The following DLG5 variants were observed in gnomAD, a reference collection of about 807,000 sequenced individuals.
DLG5 encodes the protein discs large MAGUK scaffold protein 5.
Under a neutral mutation model 189.8 loss-of-function variants are expected in DLG5, and 48 were observed. The observed-to-expected ratio is 0.25, with a 90% CI of 0.20 to 0.32. DLG5 has a LOEUF of 0.32. DLG5 is among the 10% of genes least tolerant of loss of function. The probability of loss-of-function intolerance (pLI) is 1.00; values close to 1 mark genes in which losing one functional copy is unlikely to be tolerated. For synonymous variants in DLG5, 1,016 were observed against 1,054.1 expected (o/e 0.96, Z 0.70); for missense variants, 2,160 against 2,544.7 (o/e 0.85, Z 3.25).
At chr10:77,864,019 G>A (rs991871016) in intron 2 of DLG5, among the ~76,000 whole-genome samples, 4 of 152,160 alleles carry the variant, frequency 2.6e-5, no homozygotes, top group South Asian at 2.1e-4. Context: ...ACCTTGGGGC[G>A]GCCAGCCTCC....
At chr10:77,861,990 C>A (rs1844490439) in intron 2 of DLG5, among the ~76,000 whole-genome samples, 1 of 152,196 alleles carries the variant, frequency 6.6e-6, no homozygotes. Context: ...CAAGGAGGGC[C>A]ACAGGGGACC....
At chr10:77,875,984 G>A (rs1845075439) in intron 1 of DLG5, among the ~76,000 whole-genome samples, 1 of 152,034 alleles carries the variant, frequency 6.6e-6, no homozygotes, top group Non-Finnish European at 1.5e-5. Context: ...CCATGGCCCT[G>A]GAATGGAGCA....
chr10:77,792,435 T>G lies in DLG5; in HGVS notation c.*5A>C. 6.2e-7 allele frequency: 1 copy of G among 1,614,082 alleles called. No homozygotes were observed. The highest frequency in any genetic ancestry group is 8.5e-7 in the Non-Finnish European group (1 of 1,179,926). On this transcript the variant is annotated 3_prime_UTR_variant, in exon 32 of 32. Transcript: ENST00000372391. ...AGCTGCAGTCATCCACAGCACAGCATTCTCCTAGAGCGGGCAGGCTGGAAT... is the reference window on the plus strand; with the variant it reads ...AGCTGCAGTCATCCACAGCACAGCAGTCTCCTAGAGCGGGCAGGCTGGAAT...
chr10:77,835,394 G>A (rs1054392138), intron 8 of DLG5, among the ~76,000 whole-genome samples: 9 of 152,250 alleles, frequency 5.9e-5, no homozygotes, highest in African/African-American at 1.7e-4. Flanking sequence ...CACAGTAGGC[G>A]CCCGGTGAAT....
At chr10:77,886,461 G>C (rs1036681068) in intron 1 of DLG5, among the ~76,000 whole-genome samples, 1 of 150,796 alleles carries the variant, frequency 6.6e-6, no homozygotes, top group African/African-American at 2.4e-5. Flanking sequence ...CCACCTCCCA[G>C]GTTCGCCTCA....
chr10:77,840,219 A>T (rs1227630989), intron 7 of DLG5, among the ~76,000 whole-genome samples: 2 of 151,456 alleles, frequency 1.3e-5, no homozygotes, highest in African/African-American at 4.9e-5. Context: ...CACTACAAAA[A>T]AATTAAGAAT....
In DLG5 at chr10:77,790,905, G is replaced by A. The variant is rs919337029; in HGVS notation, c.*1535C>T. 6 of 152,206 alleles carry A rather than the reference G, an allele frequency of 3.9e-5. No individual in the cohort carries two copies. The highest frequency in any genetic ancestry group is 2.6e-4 in the Admixed American group (4 of 15,284). The allele number at this position is 152,206 out of a possible 1,614,324, so 9.4% of individuals were successfully genotyped here. A position where few individuals can be genotyped will look rare whatever the true frequency, so the allele number is the denominator to read the frequency against. ...AGCTCAGTACCTGTCTGTGCACACT[G>A]TACCATCTCAGTCCCACTCTGCCTG... On this transcript the variant is annotated 3_prime_UTR_variant, in exon 32 of 32. Transcript: ENST00000372391.
chr10:77,825,374 C>CACACACACACACACA (rs1554816035), intron 13 of DLG5, among the ~76,000 whole-genome samples: 2 of 130,814 alleles, frequency 1.5e-5, no homozygotes, highest in Non-Finnish European at 1.6e-5. Context: ...CCACACACAA[C>CACACACACACACACA]CACACACACA....
chr10:77,817,222 G>C, intron 18 of DLG5, 126 bp from the exon 19 acceptor site: 1 of 853,672 alleles, frequency 1.2e-6, no homozygotes. Context: ...ATTCCCAAGG[G>C]AGCCTTGATA....
At chr10:77,936,395 G>A in the DLG5 span, among the ~76,000 whole-genome samples, 119 of 140,432 alleles carry the variant, frequency 8.5e-4, 2 homozygotes, top group Admixed American at 9.0e-3. Flanking sequence ...CCGAGATCAC[G>A]CCACAGCACT....
intron 14 of DLG5, 85 bp from the exon 15 acceptor site, chr10:77,822,186 G>C (rs1842403661): frequency 6.7e-7 from 1 of 1,495,124 alleles, no homozygotes; most frequent in South Asian, 1.3e-5. Context: ...CAGAGGTAAA[G>C]CAATGGTCAG....
chr10:77,916,569 G>T (rs987344095), intron 1 of DLG5, among the ~76,000 whole-genome samples: 4 of 152,068 alleles, frequency 2.6e-5, no homozygotes, highest in Non-Finnish European at 5.9e-5. Flanking sequence ...TGGGATTACA[G>T]GCATGAGCCA....
chr10:77,900,871 G>A (rs975226850), intron 1 of DLG5, among the ~76,000 whole-genome samples: 3 of 152,208 alleles, frequency 2.0e-5, no homozygotes, highest in African/African-American at 7.2e-5. Flanking sequence ...GGAGGCGGAG[G>A]TTGCAGTGAG....
chr10:77,805,803 C>T lies in DLG5; in HGVS notation c.5026G>A (p.Ala1676Thr), dbSNP rs200067112. ...GCAGCCGCTGACAGCGTCTTTGTGG[C>T]GCTATTGTCATCTTTGACTTCAGAC... ...SMSEVKDDNS[A>T]TKTLSAAARR... Residue 1676 changes from alanine to threonine, a missense_variant, in exon 27 of 32, where the codon GCC (alanine) becomes ACC (threonine). By Grantham distance (58) the Ala-to-Thr change is moderately conservative. Transcript: ENST00000372391. 9.3e-6 allele frequency: 15 copies of T among 1,614,152 alleles called. No homozygotes were observed. The highest frequency in any genetic ancestry group is 3.3e-4 in the Middle Eastern group (2 of 6,060).
Position 77,869,516 on chromosome 10 carries a change from T to G in DLG5, c.305-319A>C. ...GGGAGTGACATGCCCCAGGTAAACATGGGGTGTGGGGGTTTCCTCCACATC... is the reference window on the plus strand; with the variant it reads ...GGGAGTGACATGCCCCAGGTAAACAGGGGGTGTGGGGGTTTCCTCCACATC... On this transcript the variant is annotated intron_variant, in intron 1 of 31. Coordinates refer to ENST00000372391, the MANE Select transcript of DLG5 (RefSeq NM_004747.4). The G allele has an allele frequency of 1.1e-5, 4 of 372,934 alleles. No homozygotes were observed. The South Asian group carries it at 1.1e-4, about 11-fold the overall frequency. 23.1% of individuals were successfully genotyped at this position (372,934 alleles called of 1,614,324 possible). A position where few individuals can be genotyped will look rare whatever the true frequency, so the allele number is the denominator to read the frequency against.
intron 1 of DLG5, among the ~76,000 whole-genome samples, chr10:77,913,556 C>T (rs1219612887): frequency 1.3e-5 from 2 of 152,018 alleles, no homozygotes; most frequent in Non-Finnish European, 2.9e-5. Context: ...TTACATTATC[C>T]TCTCTGTTCT....
intron 1 of DLG5, among the ~76,000 whole-genome samples, chr10:77,905,901 G>C (rs1484124756): frequency 2.0e-5 from 3 of 152,088 alleles, no homozygotes; most frequent in Non-Finnish European, 4.4e-5. Flanking sequence ...CTACATAATA[G>C]CACTGCACCA....
In DLG5 at chr10:77,869,157, T is replaced by C; in HGVS notation, c.345A>G (p.Ser115=). Residue 115 remains serine, a synonymous_variant, in exon 2 of 32, where the codon TCA becomes TCG. Coordinates refer to ENST00000372391, the MANE Select transcript of DLG5 (RefSeq NM_004747.4). ...CACTGCTGAGGGAGCTGCTGCTTTC[T>C]GAGTCTGAGGGCATGGTGGACAGGA... ...YSVLSTMPSD[S]ESSSSLSSVG... The C allele has an allele frequency of 1.2e-6, 2 of 1,613,898 alleles. No individual in the cohort carries two copies. Among genetic ancestry groups the C allele is most frequent in the Non-Finnish European group, 8.5e-7 (1 of 1,179,936 alleles).
At chr10:77,810,988 G>T in intron 23 of DLG5, 106 bp downstream of exon 23, 1 of 1,414,856 alleles carries the variant, frequency 7.1e-7, no homozygotes, top group Non-Finnish European at 9.5e-7. Flanking sequence ...TGTGCGGCCT[G>T]CAGCACATGA....
Sources: gnomAD v4.1 joint callset for allele counts (sites outside exome capture counted in the v4.1 genomes callset) on GRCh38, gnomAD v4.1.1 for gene constraint, MANE v1.5 for transcripts, NCBI Gene and HGNC (gene_info 2026-07-23, HGNC 2026-07-21) for gene names.